The following VCL variants were observed in gnomAD, a reference collection of about 807,000 sequenced individuals.
VCL encodes the protein epididymis luminal protein 114.
A neutral mutation model predicts 125.7 loss-of-function variants in VCL; 47 were observed. That is an observed-to-expected ratio of 0.37 (90% CI 0.30 to 0.48). The LOEUF is 0.48. Ranked by LOEUF, VCL falls within the 20% of genes least tolerant of loss-of-function variation. The pLI is 0.99. For missense variants in VCL, 1,069 were observed against 1,455.5 expected (o/e 0.73, Z 4.32); for synonymous variants, 458 against 514.6 (o/e 0.89, Z 1.49).
rs956399796 is a variant in VCL at position 74,119,078 on chromosome 10, C to G, written c.*909C>G. The G allele has an allele frequency of 6.6e-6, 1 of 152,582 alleles. No individual in the cohort carries two copies. Among genetic ancestry groups the G allele is most frequent in the Admixed American group, 6.5e-5 (1 of 15,280 alleles). The allele number at this position is 152,582 out of a possible 1,614,324, so 9.5% of individuals were successfully genotyped here. On this transcript the variant is annotated 3_prime_UTR_variant, in exon 22 of 22. Coordinates refer to ENST00000211998, the MANE Select transcript of VCL (RefSeq NM_014000.3). The stretch of plus-strand genomic sequence containing the variant: ...CTGCCTGCAGAGGTCTGTGCTGAGG[C>G]CTTATCATTCATTCTTAGCTCTTAA...
At chr10:74,059,579 A>G (rs907393443) in intron 2 of VCL, among the ~76,000 whole-genome samples, 1 of 151,870 alleles carries the variant, frequency 6.6e-6, no homozygotes. Flanking sequence ...TAATTTTTGT[A>G]TTTTTTAAGT....
At chr10:74,021,793 C>T (rs935118015) in intron 1 of VCL, among the ~76,000 whole-genome samples, 6 of 152,198 alleles carry the variant, frequency 3.9e-5, no homozygotes, top group African/African-American at 9.7e-5. Context: ...AGAGATTGAA[C>T]CTTTTACTTA....
chr10:74,094,835 G>T (rs1839940207), intron 11 of VCL, among the ~76,000 whole-genome samples: 1 of 152,168 alleles, frequency 6.6e-6, no homozygotes, highest in African/African-American at 2.4e-5. Context: ...TTGGGAGGCT[G>T]AGGTGGGAGG....
chr10:74,039,084 G>A (rs1841042043), intron 1 of VCL, among the ~76,000 whole-genome samples: 1 of 151,852 alleles, frequency 6.6e-6, no homozygotes, highest in African/African-American at 2.4e-5. Flanking sequence ...GCTAATTTTT[G>A]TATTTTTAGT....
chr10:74,100,938 T>A lies in VCL; in HGVS notation c.1873-10T>A. The A allele has an allele frequency of 6.2e-7, 1 of 1,613,982 alleles. No individual in the cohort carries two copies. The highest frequency in any genetic ancestry group is 8.5e-7 in the Non-Finnish European group (1 of 1,179,978). ...AAATAAATGTTCTTAATATCTGTTTTTTCCTCAAGGTATTTGATGAGAGGG... is the reference window on the plus strand; with the variant it reads ...AAATAAATGTTCTTAATATCTGTTTATTCCTCAAGGTATTTGATGAGAGGG... On this transcript the variant is annotated splice_polypyrimidine_tract_variant and intron_variant, in intron 13 of 21. Coordinates refer to ENST00000211998, the MANE Select transcript of VCL (RefSeq NM_014000.3).
chr10:74,021,813 G>A (rs1053556850), intron 1 of VCL, among the ~76,000 whole-genome samples: 1 of 152,164 alleles, frequency 6.6e-6, no homozygotes, highest in African/African-American at 2.4e-5. Context: ...ATTCTTGCCA[G>A]ATAAATAAAC....
chr10:74,011,732 C>T (rs149208564), intron 1 of VCL, among the ~76,000 whole-genome samples: 29 of 152,034 alleles, frequency 1.9e-4, no homozygotes, highest in African/African-American at 3.6e-4. Context: ...GATTCATAAA[C>T]GATATTATAT....
At chr10:74,066,391 A>G (rs921168099) in intron 2 of VCL, among the ~76,000 whole-genome samples, 1 of 151,864 alleles carries the variant, frequency 6.6e-6, no homozygotes, top group Non-Finnish European at 1.5e-5. Context: ...GGAATACAAC[A>G]TAGTAGCTAC....
At chr10:74,019,829 G>A (rs1840627378) in intron 1 of VCL, among the ~76,000 whole-genome samples, 2 of 152,190 alleles carry the variant, frequency 1.3e-5, no homozygotes, top group African/African-American at 4.8e-5. Flanking sequence ...TTAGGAGGTT[G>A]AGATGGTCAG....
intron 2 of VCL, among the ~76,000 whole-genome samples, chr10:74,061,685 T>C (rs193129748): frequency 1.8e-4 from 27 of 152,314 alleles, no homozygotes; most frequent in Admixed American, 3.9e-4. Flanking sequence ...TGTCCCACAG[T>C]TCACTGATGC....
At chr10:74,091,317 G>A (rs144954085) in intron 10 of VCL, among the ~76,000 whole-genome samples, 1 of 152,270 alleles carries the variant, frequency 6.6e-6, no homozygotes, top group Non-Finnish European at 1.5e-5. Flanking sequence ...AGACCTTCAT[G>A]TGTGGTCATT....
At chr10:74,000,739 C>G (rs1840211096) in intron 1 of VCL, among the ~76,000 whole-genome samples, 1 of 151,998 alleles carries the variant, frequency 6.6e-6, no homozygotes, top group Admixed American at 6.6e-5. Flanking sequence ...TAGGAAGCTC[C>G]ATAGGTGATT....
At chr10:74,024,847 A>G (rs1840742934) in intron 1 of VCL, among the ~76,000 whole-genome samples, 3 of 152,228 alleles carry the variant, frequency 2.0e-5, no homozygotes, top group Admixed American at 2.0e-4. Flanking sequence ...GGGAAGAACC[A>G]GGACAATGGG....
intron 11 of VCL, among the ~76,000 whole-genome samples, chr10:74,095,438 A>T (rs201914369): frequency 1.3e-5 from 2 of 152,050 alleles, no homozygotes; most frequent in East Asian, 3.9e-4. Flanking sequence ...AAAAAAAACC[A>T]ATTAGCCAGG....
chr10:74,024,448 T>C (rs1157146143), intron 1 of VCL, among the ~76,000 whole-genome samples: 1 of 151,964 alleles, frequency 6.6e-6, no homozygotes, highest in African/African-American at 2.4e-5. Context: ...CTGTCTCTAC[T>C]AAAAATACAA....
chr10:74,004,585 G>T (rs1840285334), intron 1 of VCL, among the ~76,000 whole-genome samples: 1 of 152,160 alleles, frequency 6.6e-6, no homozygotes, highest in Non-Finnish European at 1.5e-5. Context: ...CCTGGGTCTG[G>T]CAACAGTATC....
rs1248255871 is a variant in VCL, at chr10:74,118,046, T to C, written c.3282T>C (p.Asn1094=). 6.2e-7 allele frequency: 1 copy of C among 1,614,152 alleles called. No homozygotes were observed. The highest frequency in any genetic ancestry group is 8.5e-7 in the Non-Finnish European group (1 of 1,180,020). The part of the protein sequence containing the change: ...SEQATEMLVH[N]AQNLMQSVKE... The stretch of plus-strand genomic sequence containing the variant: ...AGGCCACAGAGATGCTGGTTCACAA[T>C]GCCCAGAACCTCATGCAGTCTGTGA... Residue 1094 remains asparagine (N), a synonymous_variant, in exon 22 of 22, where the codon AAT becomes AAC. Transcript: ENST00000211998.
chr10:74,100,937 T>C lies in VCL; in HGVS notation c.1873-11T>C, dbSNP rs1840043136. On this transcript the variant is annotated splice_polypyrimidine_tract_variant and intron_variant, in intron 13 of 21. Transcript: ENST00000211998. ...GAAATAAATGTTCTTAATATCTGTT[T>C]TTTCCTCAAGGTATTTGATGAGAGG... The C allele has an allele frequency of 1.2e-6, 2 of 1,613,944 alleles. No homozygotes were observed. The highest frequency in any genetic ancestry group is 1.7e-5 in the Admixed American group (1 of 60,020).
At chr10:74,067,020 T>C (rs1841580546) in intron 2 of VCL, among the ~76,000 whole-genome samples, 1 of 152,210 alleles carries the variant, frequency 6.6e-6, no homozygotes, top group Non-Finnish European at 1.5e-5. Flanking sequence ...TTAAAATTTA[T>C]ACAATCTTTT....
Sources: gnomAD v4.1 joint callset for allele counts (sites outside exome capture counted in the v4.1 genomes callset) on GRCh38, gnomAD v4.1.1 for gene constraint, MANE v1.5 for transcripts, NCBI Gene and HGNC (gene_info 2026-07-23, HGNC 2026-07-21) for gene names.